Variants in DNAH14 observed in about 807,000 individuals in gnomAD.
DNAH14 encodes dynein axonemal heavy chain 14, also known as axonemal beta dynein heavy chain 14.
DNAH14 carries 478 observed loss-of-function variants against 520.9 expected under a neutral mutation model. The ratio of observed to expected loss-of-function variants is 0.92; its 90% CI spans 0.85 to 0.99. The LOEUF (loss-of-function observed/expected upper bound fraction) is 0.99. Ranked by LOEUF, DNAH14 falls within the 50% of genes least tolerant of loss-of-function variation. The pLI is 0.00. For missense variants in DNAH14, 4,831 were observed against 5,234.5 expected, an observed-to-expected ratio of 0.92 and a Z score of 2.38; for synonymous variants, 1,581 against 1,757.2, an observed-to-expected ratio of 0.90 and a Z score of 2.51.
At chr1:225,044,343 G>A (rs2148240507) in intron 15 of DNAH14, among the ~76,000 whole-genome samples, 1 of 152,230 alleles carries the variant, frequency 6.6e-6, no homozygotes, top group African/African-American at 2.4e-5. Context: ...TTTTGCAGCT[G>A]TATGTACACA....
chr1:225,207,270 T>TG, intron 41 of DNAH14, 50 bp downstream of exon 41: 1 of 1,411,188 alleles, frequency 7.1e-7, no homozygotes, highest in East Asian at 2.7e-5. Flanking sequence ...AGCTAGTCAA[T>TG]GCTAATTCAT....
chr1:225,151,734 A>T, intron 31 of DNAH14: 1 of 608,392 alleles, frequency 1.6e-6, no homozygotes, highest in Non-Finnish European at 2.9e-6. Flanking sequence ...TATGTAAGTC[A>T]ACTCATTCAG....
intron 60 of DNAH14, 127 bp from the exon 61 acceptor site, chr1:225,318,456 A>T (rs41304139): frequency 1.5e-4 from 126 of 814,142 alleles, no homozygotes; most frequent in Non-Finnish European, 2.2e-4. Flanking sequence ...TCTAAGTCAT[A>T]AAAGATGCAT....
chr1:225,286,784 A>G (rs1166163726), intron 54 of DNAH14, among the ~76,000 whole-genome samples: 1 of 152,242 alleles, frequency 6.6e-6, no homozygotes, highest in Non-Finnish European at 1.5e-5. Context: ...AGGAATGATT[A>G]TAGCAACTTT....
At position 225,289,824 on chromosome 1, in the gene DNAH14, C is replaced by A. The variant is rs533058480; in HGVS notation, c.8272-61C>A. The A allele has an allele frequency of 5.3e-3, 6,104 of 1,151,440 alleles. 23 individuals are homozygous for A. The highest frequency in any genetic ancestry group is 6.5e-3 in the Non-Finnish European group (5,825 of 892,716). The allele number at this position is 1,151,440 out of a possible 1,614,324, so 71.3% of individuals were successfully genotyped here. On this transcript the variant is annotated intron_variant, in intron 54 of 85. Coordinates refer to ENST00000682510, the MANE Select transcript of DNAH14 (RefSeq NM_001367479.1). ...TCTAGCACAAATAATAAACAGAAAA[C>A]TATACGTTGAAAGATTCCCAGAAAA...
intron 73 of DNAH14, 53 bp downstream of exon 73, chr1:225,353,941 T>C (rs1306154560): frequency 3.8e-6 from 4 of 1,050,602 alleles, no homozygotes; most frequent in Non-Finnish European, 5.6e-6. Context: ...GAGTGCTTTA[T>C]TAGTAACTTA....
At chr1:225,238,318 A>T (rs867551866) in intron 42 of DNAH14, among the ~76,000 whole-genome samples, 1 of 151,926 alleles carries the variant, frequency 6.6e-6, no homozygotes, top group African/African-American at 2.4e-5. Context: ...TGTTGATGTT[A>T]TTCTTGTCGT....
intron 43 of DNAH14, among the ~76,000 whole-genome samples, chr1:225,244,649 A>T (rs1322489877): frequency 6.6e-6 from 1 of 152,002 alleles, no homozygotes; most frequent in African/African-American, 2.4e-5. Context: ...AGAGGTTTTT[A>T]TATTAATCTC....
chr1:225,088,173 A>G (rs2074007656), intron 21 of DNAH14, among the ~76,000 whole-genome samples: 1 of 152,360 alleles, frequency 6.6e-6, no homozygotes, highest in Non-Finnish European at 1.5e-5. Context: ...ATTAGTAGAC[A>G]TGCAAAAAAG....
At chr1:225,244,116 G>C (rs142739742) in intron 43 of DNAH14, among the ~76,000 whole-genome samples, 9 of 152,058 alleles carry the variant, frequency 5.9e-5, no homozygotes, top group Non-Finnish European at 1.3e-4. Flanking sequence ...TATGTTTTTT[G>C]TTACTGGTTC....
intron 71 of DNAH14, among the ~76,000 whole-genome samples, chr1:225,349,068 C>T (rs916107545): frequency 6.6e-6 from 1 of 152,168 alleles, no homozygotes; most frequent in African/African-American, 2.4e-5. Flanking sequence ...AACTTCTGGG[C>T]TTAAGTGATC....
intron 44 of DNAH14, among the ~76,000 whole-genome samples, chr1:225,255,455 T>C (rs182152466): frequency 4.5e-4 from 69 of 152,270 alleles, no homozygotes; most frequent in Admixed American, 4.1e-3. Flanking sequence ...TCTGGGCTAA[T>C]GAAGAGCTAC....
chr1:225,169,196 A>G (rs2082342944), intron 36 of DNAH14, among the ~76,000 whole-genome samples: 2 of 152,236 alleles, frequency 1.3e-5, no homozygotes, highest in South Asian at 2.1e-4. Flanking sequence ...AAGACGGGGA[A>G]AAAACAGAGA....
intron 41 of DNAH14, among the ~76,000 whole-genome samples, chr1:225,211,664 C>G (rs946338937): frequency 6.6e-6 from 1 of 151,922 alleles, no homozygotes; most frequent in Non-Finnish European, 1.5e-5. Flanking sequence ...AAAGACTCCT[C>G]AAGAAGAGAA....
intron 31 of DNAH14, among the ~76,000 whole-genome samples, chr1:225,147,471 G>A (rs945062132): frequency 1.3e-5 from 2 of 152,124 alleles, no homozygotes; most frequent in East Asian, 1.9e-4. Context: ...CAACTTAGAA[G>A]TACCCAAATT....
intron 11 of DNAH14, among the ~76,000 whole-genome samples, chr1:225,030,317 T>C (rs2066434733): frequency 6.6e-6 from 1 of 151,980 alleles, no homozygotes; most frequent in Admixed American, 6.6e-5. Context: ...TACAAATATT[T>C]TATCCCAGTC....
chr1:225,262,403 A>G (rs1451158261), intron 46 of DNAH14, among the ~76,000 whole-genome samples: 2 of 152,080 alleles, frequency 1.3e-5, no homozygotes, highest in African/African-American at 4.8e-5. Flanking sequence ...TGTCTTAATC[A>G]TAAATTCTTT....
chr1:225,121,860 A>G (rs1372551543), intron 26 of DNAH14, among the ~76,000 whole-genome samples: 1 of 151,460 alleles, frequency 6.6e-6, no homozygotes, highest in East Asian at 1.9e-4. Flanking sequence ...AAATAAATAA[A>G]TAAATAGAAA....
At chr1:224,936,912 A>T (rs141062373) in intron 1 of DNAH14, among the ~76,000 whole-genome samples, 1 of 152,040 alleles carries the variant, frequency 6.6e-6, no homozygotes, top group African/African-American at 2.4e-5. Flanking sequence ...AGATGGTTCA[A>T]CATACACAAA....
Sources: gnomAD v4.1 joint callset for allele counts (sites outside exome capture counted in the v4.1 genomes callset) on GRCh38, gnomAD v4.1.1 for gene constraint, MANE v1.5 for transcripts, NCBI Gene and HGNC (gene_info 2026-07-23, HGNC 2026-07-21) for gene names.